Variants in HROB observed in about 807,000 individuals in gnomAD.
HROB encodes the protein homologous recombination OB-fold protein.
HROB carries 44 observed loss-of-function variants against 61.0 expected under a neutral mutation model. The ratio of observed to expected loss-of-function variants is 0.72; its 90% confidence interval spans 0.57 to 0.93. The LOEUF is 0.93. Among genes scored for constraint, HROB ranks in the 40% least tolerant of loss-of-function variants. HROB has a pLI of 0.00. For missense variants in HROB, 716 were observed against 796.2 expected (o/e 0.90, Z 1.21); for synonymous variants, 301 against 310.4 (o/e 0.97, Z 0.32).
At chr17:44,145,354 T>A (rs1009117291) in intron 2 of HROB, 101 bp downstream of exon 2, 1 of 1,380,996 alleles carries the variant, frequency 7.2e-7, no homozygotes, top group African/African-American at 1.4e-5. Context: ...CTCCTTTTAG[T>A]TGACATGTGT....
chr17:44,161,058 C>T (rs1455338886), intron 9 of HROB, among the ~76,000 whole-genome samples: 1 of 152,074 alleles, frequency 6.6e-6, no homozygotes, highest in Non-Finnish European at 1.5e-5. Context: ...AAAAATTAGC[C>T]AGGCGTGGTG....
intron 8 of HROB, among the ~76,000 whole-genome samples, chr17:44,156,793 G>A (rs2053984410): frequency 6.6e-6 from 1 of 152,048 alleles, no homozygotes; most frequent in South Asian, 2.1e-4. Flanking sequence ...CTCCTGAGTA[G>A]CTGGGATTAC....
chr17:44,144,180 G>GC, intron 1 of HROB, among the ~76,000 whole-genome samples: 1 of 151,064 alleles, frequency 6.6e-6, no homozygotes. Context: ...TTGCCCTGTC[G>GC]CCCAGGCTGG....
In HROB at chr17:44,147,846, G is replaced by C. The variant is rs1290404267; in HGVS notation, c.55-12G>C. ...CCAGATGCCAAGACCTACCATCTCTGCTTCCTTGTAGGATTTCTTGTCTGC... is the reference window on the plus strand; with the variant it reads ...CCAGATGCCAAGACCTACCATCTCTCCTTCCTTGTAGGATTTCTTGTCTGC... On this transcript the variant is annotated splice_polypyrimidine_tract_variant and intron_variant, in intron 2 of 9. Transcript: ENST00000585683. 1 of 1,604,556 alleles carries C rather than the reference G, an allele frequency of 6.2e-7. No homozygotes were observed. Among genetic ancestry groups the C allele is most frequent in the Admixed American group, 1.7e-5 (1 of 59,630 alleles).
At chr17:44,153,549 C>T (rs188178224) in intron 5 of HROB, among the ~76,000 whole-genome samples, 369 of 152,254 alleles carry the variant, frequency 2.4e-3, no homozygotes, top group African/African-American at 8.6e-3. Flanking sequence ...AGTTCAAGAC[C>T]AGCCTGACCA....
chr17:44,142,250 G>C (rs1423688301), intron 1 of HROB, 105 bp downstream of exon 1: 49 of 1,329,876 alleles, frequency 3.7e-5, no homozygotes, highest in Non-Finnish European at 4.8e-5. Context: ...GCAGGACCGG[G>C]GTCTGGGTGG....
At chr17:44,154,992 T>C (rs2053929975) in intron 7 of HROB, 54 bp downstream of exon 7, 1 of 1,572,272 alleles carries the variant, frequency 6.4e-7, no homozygotes, top group Non-Finnish European at 8.7e-7. Context: ...CCTCAGTGTC[T>C]GTCTCCTTAC....
rs1250755654 is a variant in HROB at position 44,141,963 on chromosome 17, C to A, written c.-180C>A. On this transcript the variant is annotated 5_prime_UTR_variant, in exon 1 of 10. The change creates a new upstream start codon in the 5' untranslated region. Transcript: ENST00000585683. ...CGTCTTCGAATGCGGCCTAAGGCGC[C>A]TGCCGCCAGTCTCCTGGCGACTTTC... 2.4e-6 allele frequency: 2 copies of A among 844,690 alleles called. No individual in the cohort carries two copies. The highest frequency in any genetic ancestry group is 1.7e-6 in the Non-Finnish European group (1 of 576,816). The allele number at this position is 844,690 out of a possible 1,614,324, so 52.3% of individuals were successfully genotyped here. A position where few individuals can be genotyped will look rare whatever the true frequency, so the allele number is the denominator to read the frequency against.
At chr17:44,145,125 C>A in intron 1 of HROB, 78 bp from the exon 2 acceptor site, 1 of 1,493,694 alleles carries the variant, frequency 6.7e-7, no homozygotes, top group Non-Finnish European at 9.3e-7. Context: ...ATTGTTAGTG[C>A]TGGGAAGAAG....
chr17:44,148,988 T>C lies in HROB; in HGVS notation c.1185T>C (p.Thr395=), dbSNP rs1255359686. The C allele has an allele frequency of 6.2e-7, 1 of 1,613,804 alleles. No homozygotes were observed. The highest frequency in any genetic ancestry group is 8.5e-7 in the Non-Finnish European group (1 of 1,179,902). Residue 395 remains threonine, a synonymous_variant, in exon 3 of 10, where the codon ACT becomes ACC. Coordinates refer to ENST00000585683, the MANE Select transcript of HROB (RefSeq NM_001171251.3). ...QPTHPSTRAK[T]RRFPGPAGIL... ...CCCATCCCTCCACCCGAGCCAAAAC[T>C]CGCCGTTTCCCTGGCCCAGCTGGGA...
chr17:44,153,210 G>A (rs1173216895), intron 5 of HROB, among the ~76,000 whole-genome samples: 1 of 152,100 alleles, frequency 6.6e-6, no homozygotes, highest in Non-Finnish European at 1.5e-5. Flanking sequence ...ATTTTAGGAG[G>A]CTGAGGTGGA....
chr17:44,151,130 T>G (rs1289675042), intron 4 of HROB, 86 bp downstream of exon 4: 1 of 1,356,278 alleles, frequency 7.4e-7, no homozygotes, highest in Non-Finnish European at 1.0e-6. Context: ...AATCAAGAGC[T>G]GATGCTGCTA....
intron 2 of HROB, among the ~76,000 whole-genome samples, chr17:44,146,121 C>T (rs1049765511): frequency 6.6e-6 from 1 of 152,178 alleles, no homozygotes; most frequent in African/African-American, 2.4e-5. Context: ...ACAATCACGG[C>T]TCACTGCAAC....
intron 4 of HROB, 127 bp downstream of exon 4, chr17:44,151,171 G>A: frequency 1.0e-6 from 1 of 981,598 alleles, no homozygotes; most frequent in Non-Finnish European, 1.5e-6. Context: ...ACACTAAAAG[G>A]CATTTGAGGC....
In HROB at chr17:44,141,988, C is replaced by T. The variant is rs1290099887; in HGVS notation, c.-155C>T. The T allele has an allele frequency of 9.3e-7, 1 of 1,081,034 alleles. No individual in the cohort carries two copies. The highest frequency in any genetic ancestry group is 3.1e-5 in the Admixed American group (1 of 32,316). The allele number at this position is 1,081,034 out of a possible 1,614,324, so 67.0% of individuals were successfully genotyped here. On this transcript the variant is annotated 5_prime_UTR_variant, in exon 1 of 10. Transcript: ENST00000585683. ...CTGCCGCCAGTCTCCTGGCGACTTT[C>T]CCTATATCGCAGAGACTCATCCCTC...
At chr17:44,142,280 G>A (rs1598077899) in intron 1 of HROB, 135 bp downstream of exon 1, 2 of 1,162,874 alleles carry the variant, frequency 1.7e-6, no homozygotes, top group Non-Finnish European at 2.3e-6. Context: ...GGAGTCGGGA[G>A]ACCTGGGCTG....
intron 5 of HROB, among the ~76,000 whole-genome samples, chr17:44,153,320 G>A (rs1454581801): frequency 6.6e-6 from 1 of 151,936 alleles, no homozygotes; most frequent in Non-Finnish European, 1.5e-5. Flanking sequence ...TGGATGTGGT[G>A]GCACATGTCT....
rs1172194251 is a variant in HROB at position 44,148,975 on chromosome 17, C to T, written c.1172C>T (p.Thr391Ile). Residue 391 changes from threonine (T) to isoleucine (I), a missense_variant, in exon 3 of 10, where the codon ACC becomes ATC. Thr to Ile is a moderately conservative substitution (Grantham distance 89). Transcript: ENST00000585683. Reference sequence around the variant, plus strand: ...CCCCAGCAGCCCACCCATCCCTCCACCCGAGCCAAAACTCGCCGTTTCCCT... The same window carrying T: ...CCCCAGCAGCCCACCCATCCCTCCATCCGAGCCAAAACTCGCCGTTTCCCT... ...RTPQQPTHPS[T>I]RAKTRRFPGP... The T allele has an allele frequency of 1.9e-6, 3 of 1,614,092 alleles. No individual in the cohort carries two copies. The highest frequency in any genetic ancestry group is 2.5e-6 in the Non-Finnish European group (3 of 1,179,960).
chr17:44,143,192 C>T (rs1321410582), intron 1 of HROB, among the ~76,000 whole-genome samples: 4 of 151,978 alleles, frequency 2.6e-5, no homozygotes, highest in South Asian at 2.1e-4. Flanking sequence ...CCCGCCTTGG[C>T]GTCACAAAGT....
Sources: allele counts gnomAD v4.1 joint callset (sites outside exome capture counted in the v4.1 genomes callset), GRCh38; gene constraint gnomAD v4.1.1; transcripts MANE v1.5; gene names NCBI Gene and HGNC (gene_info 2026-07-23, HGNC 2026-07-21).